AK5: variants seen among roughly 807,000 people sequenced by gnomAD.
The protein encoded by AK5 is adenylate kinase isoenzyme 5.
AK5 carries 27 observed loss-of-function variants against 69.5 expected under a neutral mutation model. The ratio of observed to expected loss-of-function variants is 0.39; its 90% CI spans 0.29 to 0.54. The LOEUF (loss-of-function observed/expected upper bound fraction) is 0.54, where lower values mean the gene tolerates loss of function less well. Among genes scored for constraint, AK5 ranks in the 20% least tolerant of loss-of-function variants. The pLI, the probability that AK5 is intolerant of heterozygous loss-of-function variation, is 0.71. For synonymous variants in AK5, 260 were observed against 244.4 expected, an observed-to-expected ratio of 1.06 and a Z score of -0.60; for missense variants, 531 against 700.4, an observed-to-expected ratio of 0.76 and a Z score of 2.73.
chr1:77,405,348 G>A (rs922646918), intron 6 of AK5, among the ~76,000 whole-genome samples: 1 of 152,226 alleles, frequency 6.6e-6, no homozygotes, highest in African/African-American at 2.4e-5. Flanking sequence ...TCAGCTGTCT[G>A]AACCGGGTTT....
intron 6 of AK5, among the ~76,000 whole-genome samples, chr1:77,392,895 A>G (rs1401657500): frequency 6.6e-6 from 1 of 152,096 alleles, no homozygotes; most frequent in Non-Finnish European, 1.5e-5. Context: ...CAACCAGGAC[A>G]TAGTAGTGGG....
Position 77,367,551 on chromosome 1 carries a change from TTA to T in AK5, c.891+26985_891+26986del, listed in dbSNP as rs754230302. ...CCTATGTTGCCCAGACTCATTTATG[TTA>T]TTTTTATATATATATATATATATAT... On this transcript the variant is annotated intron_variant, in intron 6 of 13. Coordinates refer to ENST00000354567, the MANE Select transcript of AK5 (RefSeq NM_174858.3). Among the ~76,000 whole-genome samples, 50 of 19,698 alleles carry T rather than the reference TTA, an allele frequency of 2.5e-3. 1 individual carries two copies. Among genetic ancestry groups the T allele is most frequent in the Non-Finnish European group, 3.8e-3 (39 of 10,348 alleles). 12.9% of individuals were successfully genotyped at this position (19,698 alleles called of 152,430 possible).
intron 6 of AK5, among the ~76,000 whole-genome samples, chr1:77,383,462 C>A (rs1647793111): frequency 6.6e-6 from 1 of 151,936 alleles, no homozygotes; most frequent in South Asian, 2.1e-4. Flanking sequence ...TCTAGAAAAT[C>A]TAGTAAAGTG....
intron 10 of AK5, among the ~76,000 whole-genome samples, chr1:77,498,145 G>A (rs749274153): frequency 9.9e-5 from 15 of 152,166 alleles, no homozygotes; most frequent in African/African-American, 1.7e-4. Flanking sequence ...TAGAGCAAAT[G>A]GCATCACAGC....
intron 5 of AK5, among the ~76,000 whole-genome samples, chr1:77,337,383 A>G (rs1460701878): frequency 2.0e-5 from 3 of 152,186 alleles, no homozygotes; most frequent in Non-Finnish European, 4.4e-5. Context: ...AAATTTAAAA[A>G]TGCAAGTTTT....
chr1:77,312,775 CT>C (rs1390506551), intron 5 of AK5, among the ~76,000 whole-genome samples: 1 of 152,076 alleles, frequency 6.6e-6, no homozygotes, highest in Non-Finnish European at 1.5e-5. Context: ...CACGTACTGT[CT>C]TTTTTTCCAT....
At chr1:77,393,267 T>C (rs1648608115) in intron 6 of AK5, among the ~76,000 whole-genome samples, 1 of 152,188 alleles carries the variant, frequency 6.6e-6, no homozygotes, top group Non-Finnish European at 1.5e-5. Flanking sequence ...CAGGGCATAA[T>C]TTTTGTAATA....
At chr1:77,532,982 G>A (rs549097637) in intron 12 of AK5, among the ~76,000 whole-genome samples, 21 of 152,160 alleles carry the variant, frequency 1.4e-4, no homozygotes, top group African/African-American at 4.8e-4. Context: ...GAAGCATTTT[G>A]AAAAAAATTA....
At chr1:77,502,171 T>C (rs1407755458) in intron 10 of AK5, among the ~76,000 whole-genome samples, 1 of 152,228 alleles carries the variant, frequency 6.6e-6, no homozygotes, top group Non-Finnish European at 1.5e-5. Context: ...AAATTTATTT[T>C]ATGTAAATTT....
intron 6 of AK5, among the ~76,000 whole-genome samples, chr1:77,393,235 A>G (rs1190843508): frequency 1.3e-5 from 2 of 152,200 alleles, no homozygotes; most frequent in East Asian, 3.8e-4. Context: ...TTCAGAGTAA[A>G]CACATCAATC....
chr1:77,398,315 C>G (rs1648966357), intron 6 of AK5, among the ~76,000 whole-genome samples: 1 of 152,080 alleles, frequency 6.6e-6, no homozygotes, highest in Admixed American at 6.6e-5. Context: ...CCACTTAGAG[C>G]TCTGTAGCAG....
chr1:77,534,825 A>G (rs1324718487), intron 12 of AK5, among the ~76,000 whole-genome samples: 1 of 152,192 alleles, frequency 6.6e-6, no homozygotes, highest in Non-Finnish European at 1.5e-5. Context: ...TCAGAGCGAG[A>G]CCCCATCTCT....
rs1366075630 is a variant in AK5 at position 77,470,855 on chromosome 1, ATATATATATATATATATATATTTTTTT to A, written c.1060-12460_1060-12434del. ...TATATATATATATATATATATATAT[ATATATATATATATATATATATTTTTTT>A]TTTTTTTTTTTTTTTTGAGACAGAG... On this transcript the variant is annotated intron_variant, in intron 8 of 13. Transcript: ENST00000354567. Among the ~76,000 whole-genome samples the A allele has an allele frequency of 4.9e-3, 14 of 2,882 alleles. 1 individual carries two copies. Among genetic ancestry groups the A allele is most frequent in the Non-Finnish European group, 0.013 (14 of 1,068 alleles). The allele number at this position is 2,882 out of a possible 152,430, so 1.9% of individuals were successfully genotyped here.
intron 8 of AK5, among the ~76,000 whole-genome samples, chr1:77,418,490 A>G (rs1650576899): frequency 6.6e-6 from 1 of 152,210 alleles, no homozygotes; most frequent in African/African-American, 2.4e-5. Context: ...AGGAAAGCAT[A>G]GCCAAGAAGT....
chr1:77,548,738 C>A (rs1185001700), intron 13 of AK5, among the ~76,000 whole-genome samples: 2 of 152,156 alleles, frequency 1.3e-5, no homozygotes, highest in African/African-American at 4.8e-5. Context: ...GAAGAGTAAA[C>A]AAAATGTGTA....
intron 10 of AK5, among the ~76,000 whole-genome samples, chr1:77,510,851 C>T (rs1198547119): frequency 6.6e-6 from 1 of 151,648 alleles, no homozygotes; most frequent in African/African-American, 2.4e-5. Flanking sequence ...ATAAGGAAGA[C>T]AAAATTTTAA....
chr1:77,299,985 G>T (rs143993461), intron 5 of AK5, among the ~76,000 whole-genome samples: 1 of 152,276 alleles, frequency 6.6e-6, no homozygotes, highest in East Asian at 1.9e-4. Flanking sequence ...AAAAAGTCCA[G>T]TCCAATCTAA....
intron 5 of AK5, among the ~76,000 whole-genome samples, chr1:77,300,524 A>G (rs571740367): frequency 1.3e-5 from 2 of 152,242 alleles, no homozygotes; most frequent in South Asian, 4.2e-4. Context: ...AGCCCTGATT[A>G]TTCTACACCC....
rs1653983062 is a variant in AK5 at position 77,463,834 on chromosome 1, G to A, written c.1060-19483G>A. Among the ~76,000 whole-genome samples, 3 of 152,156 alleles carry A rather than the reference G, an allele frequency of 2.0e-5. No individual in the cohort carries two copies. In the South Asian group the frequency reaches 6.2e-4, roughly 32 times the overall value. ...TCTTTCAGTCTGAATTCCTAGAGAAGGATGCTCATTGTCCAAGCTTGGTTC... is the reference window on the plus strand; with the variant it reads ...TCTTTCAGTCTGAATTCCTAGAGAAAGATGCTCATTGTCCAAGCTTGGTTC... On this transcript the variant is annotated intron_variant, in intron 8 of 13. Coordinates refer to ENST00000354567, the MANE Select transcript of AK5 (RefSeq NM_174858.3).
Sources: allele counts gnomAD v4.1 joint callset (sites outside exome capture counted in the v4.1 genomes callset), GRCh38; gene constraint gnomAD v4.1.1; transcripts MANE v1.5; gene names NCBI Gene and HGNC (gene_info 2026-07-23, HGNC 2026-07-21).